The following TMIGD3 variants were observed in gnomAD, a reference collection of about 807,000 sequenced individuals.
The protein encoded by TMIGD3 is AD026 protein (AD026).
Under a neutral mutation model 28.1 loss-of-function variants are expected in TMIGD3, and 21 were observed. That is an observed-to-expected ratio of 0.75 (90% CI 0.53 to 1.08). TMIGD3 has a LOEUF of 1.08. Ranked by LOEUF, TMIGD3 falls within the 50% of genes least tolerant of loss-of-function variation. The pLI is 0.00. For synonymous variants in TMIGD3, 151 were observed against 162.1 expected (o/e 0.93, Z 0.52); for missense variants, 416 against 435.6 (o/e 0.96, Z 0.40).
upstream of TMIGD3, among the ~76,000 whole-genome samples, chr1:111,505,437 C>A (rs899862090): frequency 7.9e-5 from 12 of 152,218 alleles, no homozygotes; most frequent in African/African-American, 2.9e-4. Context: ...TCTGCACATA[C>A]CATGGGGGTT....
chr1:111,542,968 A>G (rs575712504), intron 1 of TMIGD3, among the ~76,000 whole-genome samples: 13 of 152,298 alleles, frequency 8.5e-5, no homozygotes, highest in Non-Finnish European at 1.6e-4. Context: ...AAGTGCTGGG[A>G]TTACAAGCGT....
At chr1:111,509,636 C>T (rs527517021) in intron 1 of TMIGD3, among the ~76,000 whole-genome samples, 2 of 152,318 alleles carry the variant, frequency 1.3e-5, no homozygotes, top group East Asian at 3.9e-4. Context: ...AAACTTCTTA[C>T]GGAATTGCAT....
intron 1 of TMIGD3, among the ~76,000 whole-genome samples, chr1:111,517,322 G>A (rs916591504): frequency 1.3e-5 from 2 of 151,318 alleles, no homozygotes; most frequent in African/African-American, 4.9e-5. Flanking sequence ...CTTGGATTTA[G>A]CAGTAGTCAA....
At chr1:111,516,524 G>A (rs1655873563) in intron 1 of TMIGD3, among the ~76,000 whole-genome samples, 1 of 152,186 alleles carries the variant, frequency 6.6e-6, no homozygotes, top group Admixed American at 6.5e-5. Flanking sequence ...GAACTTGAGA[G>A]AGCATTTCTG....
chr1:111,529,412 G>C (rs922146384), intron 1 of TMIGD3, among the ~76,000 whole-genome samples: 1 of 149,216 alleles, frequency 6.7e-6, no homozygotes, highest in South Asian at 2.1e-4. Context: ...GGTGTTTCTC[G>C]CAGAGGGGGA....
chr1:111,555,362 T>TAAAAAAAAAAAAAAAAA (rs397981230), intron 1 of TMIGD3, among the ~76,000 whole-genome samples: 1 of 47,650 alleles, frequency 2.1e-5, no homozygotes, highest in African/African-American at 1.2e-4. Context: ...TGAGACTCTG[T>TAAAAAAAAAAAAAAAAA]AAAAAAAAAA....
chr1:111,503,673 T>A (rs933885340), upstream of TMIGD3: 3 of 1,096,966 alleles, frequency 2.7e-6, no homozygotes, highest in Non-Finnish European at 3.3e-6. Context: ...CCCAAACAGA[T>A]GTCCTCAACG....
chr1:111,553,779 C>A (rs1657370999), intron 1 of TMIGD3, among the ~76,000 whole-genome samples: 1 of 152,184 alleles, frequency 6.6e-6, no homozygotes. Context: ...CCTTTCCTTT[C>A]CCCTTTTTTC....
At chr1:111,553,872 C>G (rs1657375071) in intron 1 of TMIGD3, among the ~76,000 whole-genome samples, 1 of 152,208 alleles carries the variant, frequency 6.6e-6, no homozygotes, top group Non-Finnish European at 1.5e-5. Flanking sequence ...ATCACTCTTT[C>G]TGCAAACATC....
At chr1:111,538,804 G>T (rs942750554) in intron 1 of TMIGD3, among the ~76,000 whole-genome samples, 9 of 152,182 alleles carry the variant, frequency 5.9e-5, no homozygotes, top group Non-Finnish European at 1.3e-4. Flanking sequence ...AGAGGAATTG[G>T]GTTTTTGCCC....
intron 1 of TMIGD3, among the ~76,000 whole-genome samples, chr1:111,561,298 A>AT (rs1275199582): frequency 6.6e-6 from 1 of 151,946 alleles, no homozygotes; most frequent in Admixed American, 6.6e-5. Flanking sequence ...TAATTTTTGT[A>AT]TTTTTTGTAA....
At chr1:111,559,568 T>A (rs144125625) in intron 1 of TMIGD3, among the ~76,000 whole-genome samples, 14 of 152,302 alleles carry the variant, frequency 9.2e-5, no homozygotes, top group African/African-American at 3.4e-4. Context: ...AAGGAGATCA[T>A]AATTTCTATC....
upstream of TMIGD3, among the ~76,000 whole-genome samples, chr1:111,507,906 C>T (rs1217095379): frequency 6.6e-6 from 1 of 152,250 alleles, no homozygotes; most frequent in African/African-American, 2.4e-5. Flanking sequence ...GGCTCTGCCT[C>T]TCCATCAAGC....
At position 111,503,493 on chromosome 1, in the gene TMIGD3, T is replaced by G. The variant is rs2100985504; in HGVS notation, c.-139A>C. 1.4e-6 allele frequency: 2 copies of G among 1,447,340 alleles called. No homozygotes were observed. Among genetic ancestry groups the G allele is most frequent in the South Asian group, 1.5e-5 (1 of 68,230 alleles). The allele number at this position is 1,447,340 out of a possible 1,614,324, so 89.7% of individuals were successfully genotyped here. A position where few individuals can be genotyped will look rare whatever the true frequency, so the allele number is the denominator to read the frequency against. On this transcript the variant is annotated 5_prime_UTR_variant, in exon 1 of 6. Transcript: ENST00000369716. ...AGTCTAAAATTCCCAACTTGCTCAT[T>G]CCTACCCTTTTCTGGTGGGGTGATC...
intron 1 of TMIGD3, among the ~76,000 whole-genome samples, chr1:111,553,940 G>C (rs1426625044): frequency 6.6e-6 from 1 of 152,192 alleles, no homozygotes; most frequent in Non-Finnish European, 1.5e-5. Context: ...ATTTTCTAGT[G>C]GTTCCATATG....
At chr1:111,492,625 C>G (rs1158235369) in intron 1 of TMIGD3, among the ~76,000 whole-genome samples, 2 of 151,882 alleles carry the variant, frequency 1.3e-5, no homozygotes, top group African/African-American at 4.8e-5. Context: ...ACCAGCCTGG[C>G]CAATATGGTG....
At chr1:111,489,858 A>C (rs1035944897) in intron 2 of TMIGD3, 2 of 636,240 alleles carry the variant, frequency 3.1e-6, no homozygotes, top group Non-Finnish European at 3.9e-6. Flanking sequence ...AGGATATTGC[A>C]CAATGAGGAA....
chr1:111,495,202 A>G (rs978823495), intron 1 of TMIGD3, among the ~76,000 whole-genome samples: 1 of 152,026 alleles, frequency 6.6e-6, no homozygotes, highest in Non-Finnish European at 1.5e-5. Flanking sequence ...TGGGAAAAGT[A>G]TTTGCGAACT....
intron 2 of TMIGD3, 45 bp from the exon 3 acceptor site, chr1:111,489,069 C>T: frequency 6.8e-7 from 1 of 1,472,344 alleles, no homozygotes; most frequent in Non-Finnish European, 9.3e-7. Context: ...ACACACACAC[C>T]ATTGTTCTCT....
Sources: gnomAD v4.1 joint callset for allele counts (sites outside exome capture counted in the v4.1 genomes callset) on GRCh38, gnomAD v4.1.1 for gene constraint, MANE v1.5 for transcripts, NCBI Gene and HGNC (gene_info 2026-07-23, HGNC 2026-07-21) for gene names.